The following EFHC2 variants were observed in gnomAD, a reference collection of about 807,000 sequenced individuals.
EFHC2 encodes the protein EF-hand domain-containing family member C2.
In EFHC2, 18 loss-of-function variants were observed where a neutral mutation model predicts 52.7. The ratio of observed to expected loss-of-function variants is 0.34; its 90% CI spans 0.24 to 0.51. The LOEUF is 0.51. Ranked by LOEUF, EFHC2 falls within the 20% of genes least tolerant of loss-of-function variation. EFHC2 has a pLI of 0.97. For missense variants in EFHC2, 513 were observed against 562.5 expected, an observed-to-expected ratio of 0.91 and a Z score of 0.89; for synonymous variants, 203 against 204.1, an observed-to-expected ratio of 0.99 and a Z score of 0.04.
intron 2 of EFHC2, among the ~76,000 whole-genome samples, chrX:44,273,343 C>A (rs2037631231): frequency 9.5e-6 from 1 of 104,837 alleles, no homozygotes; most frequent in Non-Finnish European, 1.9e-5. Flanking sequence ...GGAGACCCCA[C>A]CTTACACTTC....
At chrX:44,215,525 C>T (rs2037138276) in intron 11 of EFHC2, among the ~76,000 whole-genome samples, 2 of 92,706 alleles carry the variant, frequency 2.2e-5, no homozygotes, top group South Asian at 1.0e-3. Context: ...AAGCATACTT[C>T]CATTGGGGGG....
intron 11 of EFHC2, among the ~76,000 whole-genome samples, chrX:44,210,672 C>T (rs779518043): frequency 1.8e-5 from 2 of 112,357 alleles, no homozygotes; most frequent in South Asian, 7.3e-4. Flanking sequence ...CAAAAATTAA[C>T]TCAAAGTGGA....
At chrX:44,182,011 C>G (rs2036839265) in intron 11 of EFHC2, among the ~76,000 whole-genome samples, 1 of 112,130 alleles carries the variant, frequency 8.9e-6, no homozygotes, top group Non-Finnish European at 1.9e-5. Context: ...TAACCACCAC[C>G]TCTATCTAGT....
chrX:44,328,770 T>C (rs1394448222), intron 1 of EFHC2, among the ~76,000 whole-genome samples: 1 of 111,324 alleles, frequency 9.0e-6, no homozygotes, highest in Non-Finnish European at 1.9e-5. Context: ...CCTTTGTAAC[T>C]TCACTTCAGC....
At chrX:44,213,673 A>G (rs936705160) in intron 11 of EFHC2, among the ~76,000 whole-genome samples, 9 of 112,270 alleles carry the variant, frequency 8.0e-5, no homozygotes, top group Non-Finnish European at 1.5e-4. Context: ...GTGGAGACCA[A>G]AGTTTTATCA....
chrX:44,333,231 C>T (rs2038098295), intron 1 of EFHC2, among the ~76,000 whole-genome samples: 1 of 111,240 alleles, frequency 9.0e-6, no homozygotes, highest in African/African-American at 3.3e-5. Context: ...GGTAAATGGG[C>T]AATATGAGCA....
At chrX:44,305,380 A>G (rs2037898265) in intron 2 of EFHC2, among the ~76,000 whole-genome samples, 1 of 112,473 alleles carries the variant, frequency 8.9e-6, no homozygotes, top group Non-Finnish European at 1.9e-5. Flanking sequence ...CTTTTGCCTC[A>G]GGCTCCAATA....
chrX:44,152,757 A>ACACACAC (rs1569271750), intron 14 of EFHC2, among the ~76,000 whole-genome samples: 66 of 92,932 alleles, frequency 7.1e-4, no homozygotes, highest in African/African-American at 2.6e-3. Flanking sequence ...CACACACACA[A>ACACACAC]AACAATATAT....
intron 2 of EFHC2, among the ~76,000 whole-genome samples, chrX:44,289,073 A>G (rs1229620529): frequency 1.8e-5 from 2 of 111,852 alleles, no homozygotes; most frequent in South Asian, 3.7e-4. Flanking sequence ...GTTAAATTGC[A>G]TATTCTTCTA....
At position 44,225,275 on chromosome X, in the gene EFHC2, T is replaced by TCCCTA. The variant is rs2037224205; in HGVS notation, c.1751+4369_1751+4373dup. On this transcript the variant is annotated intron_variant, in intron 11 of 14. Transcript: ENST00000420999. ...TAAAAAAAAAAAAAACAAAAACCAT[T>TCCCTA]CCCTACTTCTGTTTCCTGATGGCTG... is the stretch of plus-strand genomic sequence containing the variant. Among the ~76,000 whole-genome samples, 5 of 110,067 alleles carry TCCCTA rather than the reference T, an allele frequency of 4.5e-5. No homozygotes were observed. The South Asian group carries it at 2.0e-3, about 44-fold the overall frequency.
intron 2 of EFHC2, chrX:44,284,464 G>C (rs2037736612): frequency 9.0e-6 from 1 of 111,594 alleles, no homozygotes; most frequent in Non-Finnish European, 1.9e-5. Flanking sequence ...CATTGTCTCT[G>C]AGTGTTCTCC....
At chrX:44,269,338 C>A in intron 3 of EFHC2, among the ~76,000 whole-genome samples, 1 of 110,769 alleles carries the variant, frequency 9.0e-6, no homozygotes, top group Middle Eastern at 4.2e-3. Context: ...TGCTCCTGGG[C>A]TTTATAAAGG....
intron 2 of EFHC2, among the ~76,000 whole-genome samples, chrX:44,297,553 A>C (rs1452902857): frequency 4.6e-5 from 5 of 109,074 alleles, no homozygotes; most frequent in Non-Finnish European, 7.6e-5. Flanking sequence ...GTGAAACCCC[A>C]TCTATACTAA....
chrX:44,252,166 G>A (rs889488320), intron 4 of EFHC2, among the ~76,000 whole-genome samples: 4 of 111,616 alleles, frequency 3.6e-5, no homozygotes, highest in African/African-American at 1.3e-4. Context: ...GCTGTCCTCT[G>A]TCCCAGGAAC....
intron 14 of EFHC2, among the ~76,000 whole-genome samples, chrX:44,161,661 T>A (rs1379408152): frequency 8.9e-6 from 1 of 111,818 alleles, no homozygotes; most frequent in Non-Finnish European, 1.9e-5. Context: ...GGTAGAGGGC[T>A]CTGGAGAGCA....
chrX:44,186,555 T>C (rs2036875577), intron 11 of EFHC2, among the ~76,000 whole-genome samples: 1 of 111,750 alleles, frequency 8.9e-6, no homozygotes, highest in South Asian at 3.8e-4. Context: ...TTTGGCTTTT[T>C]GTTTTTAACT....
intron 3 of EFHC2, among the ~76,000 whole-genome samples, chrX:44,268,679 A>G (rs2037595186): frequency 1.8e-5 from 2 of 112,003 alleles, no homozygotes; most frequent in Non-Finnish European, 3.8e-5. Flanking sequence ...TTATATAATC[A>G]AATACACGTA....
intron 8 of EFHC2, among the ~76,000 whole-genome samples, chrX:44,239,714 T>C (rs892227074): frequency 4.5e-5 from 5 of 112,171 alleles, no homozygotes; most frequent in Non-Finnish European, 9.4e-5. Context: ...TATTGTAACA[T>C]AGCACATAGT....
intron 11 of EFHC2, among the ~76,000 whole-genome samples, chrX:44,228,455 T>C (rs970760237): frequency 2.7e-5 from 3 of 112,314 alleles, no homozygotes; most frequent in Admixed American, 9.4e-5. Flanking sequence ...TGCCTTCCAT[T>C]AGCCCATGGC....
Sources: allele counts gnomAD v4.1 joint callset (sites outside exome capture counted in the v4.1 genomes callset), GRCh38; gene constraint gnomAD v4.1.1; transcripts MANE v1.5; gene names NCBI Gene and HGNC (gene_info 2026-07-23, HGNC 2026-07-21).